The following PLXND1 variants were observed in gnomAD, a reference collection of about 807,000 sequenced individuals.
PLXND1 encodes the protein plexin D1.
PLXND1 carries 54 observed loss-of-function variants against 197.7 expected under a neutral mutation model. The ratio of observed to expected loss-of-function variants is 0.27; its 90% CI spans 0.22 to 0.34. The LOEUF (loss-of-function observed/expected upper bound fraction) is 0.34. Ranked by LOEUF, PLXND1 falls within the 10% of genes least tolerant of loss-of-function variation. PLXND1 has a pLI of 1.00. For missense variants in PLXND1, 2,127 were observed against 2,699.2 expected (o/e 0.79, Z 4.70); for synonymous variants, 1,180 against 1,161.2 (o/e 1.02, Z -0.33).
At position 129,566,471 on chromosome 3, in the gene PLXND1, G is replaced by C. The variant is rs533517858; in HGVS notation, c.4191+56C>G. On this transcript the variant is annotated intron_variant, in intron 23 of 35. Transcript: ENST00000324093. ...TAGATGAACTGGAAAGGGGACCCAG[G>C]GGGGAGCAGGGTTGCCCTGAAGCAG... 1.0e-4 allele frequency: 105 copies of C among 1,043,944 alleles called. 1 individual carries two copies. The highest frequency in any genetic ancestry group is 2.0e-4 in the Admixed American group (12 of 59,174). The allele number at this position is 1,043,944 out of a possible 1,614,324, so 64.7% of individuals were successfully genotyped here.
chr3:129,562,676 G>T, intron 27 of PLXND1, 111 bp downstream of exon 27: 1 of 998,258 alleles, frequency 1.0e-6, no homozygotes. Context: ...TCCTCTCAGT[G>T]TCCCCACATT....
At chr3:129,578,586 G>A (rs1224286543) in intron 8 of PLXND1, 153 bp from the exon 9 acceptor site, 8 of 594,798 alleles carry the variant, frequency 1.3e-5, no homozygotes, top group Non-Finnish European at 2.4e-5. Context: ...CCCACCCCGT[G>A]CCTCCCACTC....
At position 129,572,836 on chromosome 3, in the gene PLXND1, C is replaced by G. The variant is rs368270020; in HGVS notation, c.2937+6G>C. On this transcript the variant is annotated splice_donor_region_variant and intron_variant, in intron 14 of 35. Transcript: ENST00000324093. ...GGCCGGACAGTGGGCTGCAGCCCCC[C>G]CTTACCACGTAGGAGAAGCGGTCCC... The G allele has an allele frequency of 3.5e-5, 56 of 1,613,272 alleles. No homozygotes were observed. Among genetic ancestry groups the G allele is most frequent in the South Asian group, 2.5e-4 (23 of 91,082 alleles).
rs1181675307 is a variant in PLXND1, at chr3:129,559,783, C to T, written c.5134G>A (p.Gly1712Ser). ...TCATCCAGAAACTTCTGCAACGTGC[C>T]CTGCGGGGGAGTGGGGTGGCCGCCG... ...IYLTRLLSTKGTLQKFLDDLF... is the reference protein window; with the variant it reads ...IYLTRLLSTKSTLQKFLDDLF... The change falls in exon 32 of 36, where the codon GGC (glycine) becomes AGC (serine). Residue 1712 changes from glycine (G) to serine (S), a missense_variant and splice_region_variant. Around this residue, in one of 6 missense-constraint regions of PLXND1, gnomAD observed 200 missense variants for 303.3 expected, o/e 0.66. Coordinates refer to ENST00000324093, the MANE Select transcript of PLXND1 (RefSeq NM_015103.3). 1 of 1,593,568 alleles carries T rather than the reference C, an allele frequency of 6.3e-7. No individual in the cohort carries two copies. Among genetic ancestry groups the T allele is most frequent in the Admixed American group, 1.7e-5 (1 of 58,512 alleles).
At chr3:129,569,989 T>C in intron 19 of PLXND1, 32 bp from the exon 20 acceptor site, 1 of 1,222,398 alleles carries the variant, frequency 8.2e-7, no homozygotes, top group Non-Finnish European at 1.2e-6. Flanking sequence ...GGGTTGTAGC[T>C]TTCCTGGACT....
rs780496951 is a variant in PLXND1 at position 129,565,375 on chromosome 3, T to G, written c.4486A>C (p.Asn1496His). 1 of 1,614,078 alleles carries G rather than the reference T, an allele frequency of 6.2e-7. No individual in the cohort carries two copies. The highest frequency in any genetic ancestry group is 8.5e-7 in the Non-Finnish European group (1 of 1,180,000). Residue 1496 changes from asparagine to histidine, a missense_variant, in exon 25 of 36, where the codon AAC becomes CAC. Physicochemically the swap from Asn to His is moderately conservative, Grantham distance 68. Transcript: ENST00000324093. ...CTGTACATGCAGATGGACATCCAGT[T>G]GGTGAGCATCTTCTCCACCACAGAC... is the stretch of plus-strand genomic sequence containing the variant. ...TESVVEKMLT[N>H]WMSICMYSCL...
rs548936070 is a variant in PLXND1, at chr3:129,566,662, G to A, written c.4087-31C>T. The A allele has an allele frequency of 8.1e-6, 11 of 1,363,492 alleles. No homozygotes were observed. In the African/African-American group the frequency reaches 1.4e-4, roughly 18 times the overall value. The allele number at this position is 1,363,492 out of a possible 1,614,324, so 84.5% of individuals were successfully genotyped here. A position where few individuals can be genotyped will look rare whatever the true frequency, so the allele number is the denominator to read the frequency against. Reference sequence around the variant, plus strand: ...GAGGCAGACCCCCAGCATCTCAGCGGGGCTGGACACCCCCTGCTGGCATGG... The same window carrying A: ...GAGGCAGACCCCCAGCATCTCAGCGAGGCTGGACACCCCCTGCTGGCATGG... On this transcript the variant is annotated intron_variant, in intron 22 of 35. Coordinates refer to ENST00000324093, the MANE Select transcript of PLXND1 (RefSeq NM_015103.3).
At chr3:129,586,539 A>C in intron 3 of PLXND1, 49 bp downstream of exon 3, 1 of 1,552,022 alleles carries the variant, frequency 6.4e-7, no homozygotes, top group South Asian at 1.2e-5. Flanking sequence ...GGCAAGCAAG[A>C]GGGCTCGGCT....
intron 1 of PLXND1, among the ~76,000 whole-genome samples, chr3:129,597,736 C>T (rs372960963): frequency 5.3e-5 from 8 of 152,200 alleles, no homozygotes; most frequent in African/African-American, 1.9e-4. Flanking sequence ...CCTGTCTGGG[C>T]GGTCTGTTTG....
chr3:129,571,106 G>T lies in PLXND1; in HGVS notation c.3534C>A (p.Phe1178Leu), dbSNP rs776826018. 1 of 1,614,200 alleles carries T rather than the reference G, an allele frequency of 6.2e-7. No individual in the cohort carries two copies. The highest frequency in any genetic ancestry group is 8.5e-7 in the Non-Finnish European group (1 of 1,180,024). The change falls in exon 18 of 36, where the codon TTC (phenylalanine) becomes TTA (leucine). Residue 1178 changes from phenylalanine (F) to leucine (L), a missense_variant. Coordinates refer to ENST00000324093, the MANE Select transcript of PLXND1 (RefSeq NM_015103.3). ...FRLDYLPNPQ[F>L]STAKREKWIK... ...TCCACTTCTCCCTCTTGGCCGTAGAGAACTGTGGGTTGGGGAGGTAGTCCA... is the reference window on the plus strand; with the variant it reads ...TCCACTTCTCCCTCTTGGCCGTAGATAACTGTGGGTTGGGGAGGTAGTCCA...
chr3:129,557,757 C>T lies in PLXND1; in HGVS notation c.5446-534G>A, dbSNP rs1014684447. Among the ~76,000 whole-genome samples, 2 of 152,222 alleles carry T rather than the reference C, an allele frequency of 1.3e-5. No homozygotes were observed. The highest frequency in any genetic ancestry group is 2.9e-5 in the Non-Finnish European group (2 of 68,040). ...GATGGCATTTTCTCCTTCCCGTGGTCCGTCTCTGAAATGCGTGGGCTAAAT... is the reference window on the plus strand; with the variant it reads ...GATGGCATTTTCTCCTTCCCGTGGTTCGTCTCTGAAATGCGTGGGCTAAAT... On this transcript the variant is annotated intron_variant, in intron 33 of 35. Transcript: ENST00000324093. This position sits in a 1 kb window ranked among gnomAD's most constrained non-coding sequence, Gnocchi z 4.8.
At chr3:129,560,655 G>A (rs750391428) in intron 30 of PLXND1, 34 bp downstream of exon 30, 8 of 1,547,920 alleles carry the variant, frequency 5.2e-6, no homozygotes, top group Admixed American at 1.7e-5. Flanking sequence ...CCACTGAGGG[G>A]CTGGATCCCC....
chr3:129,589,155 C>T (rs1294497238), intron 2 of PLXND1, among the ~76,000 whole-genome samples, 196 bp downstream of exon 2: 1 of 152,202 alleles, frequency 6.6e-6, no homozygotes, highest in Admixed American at 6.5e-5. Context: ...TGTATGGACG[C>T]CACCTATATT....
chr3:129,586,989 C>A (rs7618549), intron 2 of PLXND1, among the ~76,000 whole-genome samples: 1 of 152,148 alleles, frequency 6.6e-6, no homozygotes, highest in Admixed American at 6.5e-5. Flanking sequence ...GTTTACGAAA[C>A]GTGCTCTGGG....
At chr3:129,576,486 C>T (rs2085316018) in intron 9 of PLXND1, among the ~76,000 whole-genome samples, 1 of 152,190 alleles carries the variant, frequency 6.6e-6, no homozygotes, top group Admixed American at 6.5e-5. Flanking sequence ...TACGAAGCTC[C>T]TAGAGCTGCC....
At chr3:129,572,227 T>C (rs940705854) in intron 15 of PLXND1, among the ~76,000 whole-genome samples, 2 of 152,130 alleles carry the variant, frequency 1.3e-5, no homozygotes, top group Admixed American at 6.5e-5. Context: ...GCAATGCCCA[T>C]TAGTGGGGTC....
chr3:129,585,933 T>C lies in PLXND1; in HGVS notation c.1851+19A>G, dbSNP rs780730839. 1.4e-5 allele frequency: 23 copies of C among 1,613,566 alleles called. No individual in the cohort carries two copies. Among genetic ancestry groups the C allele is most frequent in the Non-Finnish European group, 1.9e-5 (22 of 1,179,868 alleles). ...CTCCCCTGTGTCCCGAGCTGGGTCT[T>C]GCCTCCCCCAGGACTCACTGGGTAC... On this transcript the variant is annotated intron_variant, in intron 5 of 35. Coordinates refer to ENST00000324093, the MANE Select transcript of PLXND1 (RefSeq NM_015103.3).
Position 129,561,794 on chromosome 3 carries a change from C to T in PLXND1, c.4929+6G>A, listed in dbSNP as rs1179177604. 6.2e-7 allele frequency: 1 copy of T among 1,607,358 alleles called. No homozygotes were observed. The highest frequency in any genetic ancestry group is 1.7e-5 in the Admixed American group (1 of 60,006). On this transcript the variant is annotated splice_donor_region_variant and intron_variant, in intron 28 of 35. Transcript: ENST00000324093. ...GGGGAAATGGGGGCGGGGGGCAGGG[C>T]TGCACCTTGTAATGGGCCAGCGTGT...
intron 7 of PLXND1, 136 bp from the exon 8 acceptor site, chr3:129,583,805 T>C: frequency 1.5e-6 from 1 of 646,286 alleles, no homozygotes; most frequent in Non-Finnish European, 2.7e-6. Context: ...TGGGAAAGAT[T>C]GGGTCTTTAA....
Sources: gnomAD v4.1 joint callset for allele counts (sites outside exome capture counted in the v4.1 genomes callset) on GRCh38, gnomAD v4.1.1 for gene constraint, gnomAD v4.1.1 regional missense constraint, Gnocchi (gnomAD v3.1) non-coding constraint, MANE v1.5 for transcripts, NCBI Gene and HGNC (gene_info 2026-07-23, HGNC 2026-07-21) for gene names.